Variants in FBLN2 observed in about 807,000 individuals in gnomAD.
The protein encoded by FBLN2 is fibulin 2.
Under a neutral mutation model 123.7 loss-of-function variants are expected in FBLN2, and 81 were observed. The observed-to-expected ratio is 0.65, with a 90% CI of 0.55 to 0.79. FBLN2 has a LOEUF of 0.79. Ranked by LOEUF, FBLN2 falls within the 30% of genes least tolerant of loss-of-function variation. The pLI, the probability that FBLN2 is intolerant of heterozygous loss-of-function variation, is 0.00. For synonymous variants in FBLN2, 699 were observed against 701.4 expected, an observed-to-expected ratio of 1.00 and a Z score of 0.05; for missense variants, 1,603 against 1,681.3, an observed-to-expected ratio of 0.95 and a Z score of 0.81.
intron 10 of FBLN2, among the ~76,000 whole-genome samples, chr3:13,626,872 C>G (rs1280482945): frequency 6.6e-6 from 1 of 152,210 alleles, no homozygotes; most frequent in Non-Finnish European, 1.5e-5. Context: ...ATCCCCCTTG[C>G]TGTGGCCTGG....
At chr3:13,627,550 GA>G (rs1706089820) in intron 10 of FBLN2, among the ~76,000 whole-genome samples, 1 of 152,212 alleles carries the variant, frequency 6.6e-6, no homozygotes. Context: ...GGCTTGTCAT[GA>G]CATCTACTTC....
chr3:13,600,033 G>A (rs1411039746), intron 2 of FBLN2, among the ~76,000 whole-genome samples: 2 of 148,510 alleles, frequency 1.3e-5, no homozygotes, highest in Admixed American at 6.6e-5. Flanking sequence ...GAGAGAGAGA[G>A]AGAGAGAGAG....
chr3:13,549,703 G>A (rs1191230680), intron 1 of FBLN2, among the ~76,000 whole-genome samples: 2 of 149,716 alleles, frequency 1.3e-5, no homozygotes, highest in Non-Finnish European at 3.0e-5. Context: ...CACACTCACC[G>A]CCACACACGC....
intron 2 of FBLN2, among the ~76,000 whole-genome samples, chr3:13,593,561 A>G (rs187329103): frequency 1.3e-5 from 2 of 152,174 alleles, no homozygotes; most frequent in Non-Finnish European, 2.9e-5. Context: ...TAAAAATACA[A>G]AAATTAGCCG....
rs760101943 is a variant in FBLN2, at chr3:13,570,783, G to A, written c.428G>A (p.Gly143Asp). ...QCGQVGCVHAGHKYAAGHTVH... is the reference protein window; with the variant it reads ...QCGQVGCVHADHKYAAGHTVH... ...GGCCAGGTGGGCTGCGTCCACGCGG[G>A]CCACAAGTACGCCGCTGGCCACACT... Residue 143 changes from glycine to aspartate, a missense_variant, in exon 2 of 18, where the codon GGC becomes GAC. By Grantham distance (94) the Gly-to-Asp change is moderately conservative (BLOSUM62 -1). Coordinates refer to ENST00000404922, the MANE Select transcript of FBLN2 (RefSeq NM_001004019.2). 5.0e-6 allele frequency: 8 copies of A among 1,598,926 alleles called. No individual in the cohort carries two copies. The highest frequency in any genetic ancestry group is 4.5e-5 in the East Asian group (2 of 44,000).
At chr3:13,600,993 G>C (rs1220202988) in intron 2 of FBLN2, among the ~76,000 whole-genome samples, 1 of 152,194 alleles carries the variant, frequency 6.6e-6, no homozygotes, top group Non-Finnish European at 1.5e-5. Context: ...TCAGGGTGTT[G>C]AGGGTGTCCA....
At chr3:13,569,579 G>A (rs886265638) in intron 1 of FBLN2, among the ~76,000 whole-genome samples, 9 of 152,094 alleles carry the variant, frequency 5.9e-5, no homozygotes, top group African/African-American at 2.2e-4. Flanking sequence ...GTTAGGGACA[G>A]CAAGGCATCA....
At chr3:13,622,570 T>C (rs1393848935) in intron 9 of FBLN2, among the ~76,000 whole-genome samples, 1 of 152,098 alleles carries the variant, frequency 6.6e-6, no homozygotes, top group Non-Finnish European at 1.5e-5. Context: ...CTGCCTTTCC[T>C]CCCCTCTGAC....
At chr3:13,571,911 T>A (rs1286864640) in intron 2 of FBLN2, among the ~76,000 whole-genome samples, 4 of 152,032 alleles carry the variant, frequency 2.6e-5, no homozygotes, top group Non-Finnish European at 4.4e-5. Context: ...GGCCCCCTGG[T>A]AGGGCTGCGG....
At chr3:13,610,897 AATTATT>A (rs112793079) in intron 4 of FBLN2, among the ~76,000 whole-genome samples, 91 of 144,828 alleles carry the variant, frequency 6.3e-4, no homozygotes, top group African/African-American at 2.0e-3. Flanking sequence ...CCTTGTTTTA[AATTATT>A]ATTATTATTA....
Position 13,549,340 on chromosome 3 carries a change from C to T in FBLN2, c.-42+132C>T, listed in dbSNP as rs1703261119. On this transcript the variant is annotated intron_variant, in intron 1 of 17. Transcript: ENST00000404922. ...GACGCGCCTCGCGGGCTGCCCGCGC[C>T]TCCACCCGCGCCGCCGGTCCGACCG... 9 of 503,424 alleles carry T rather than the reference C, an allele frequency of 1.8e-5. No homozygotes were observed. The South Asian group carries it at 2.5e-4, about 14-fold the overall frequency. 31.2% of individuals were successfully genotyped at this position (503,424 alleles called of 1,614,324 possible).
intron 5 of FBLN2, among the ~76,000 whole-genome samples, chr3:13,614,548 C>T (rs1194264629): frequency 1.3e-5 from 2 of 151,496 alleles, no homozygotes; most frequent in Non-Finnish European, 2.9e-5. Flanking sequence ...TTCATTCACT[C>T]CCTCATTCAT....
rs1267874683 is a variant in FBLN2 at position 13,617,129 on chromosome 3, CCCATCCATTCATCAATCCATCCAT to C, written c.1730-938_1730-915del. 5.0e-5 allele frequency among the ~76,000 whole-genome samples: 7 copies of C among 140,212 alleles called. No individual in the cohort carries two copies. The East Asian group carries it at 1.1e-3, about 22-fold the overall frequency. The allele number at this position is 140,212 out of a possible 152,430, so 92.0% of individuals were successfully genotyped here. ...TGCTTGAGGTCTGTTCATTCATTTG[CCCATCCATTCATCAATCCATCCAT>C]CCATCCATCCATCCATCCATCCATC... is the stretch of plus-strand genomic sequence containing the variant. On this transcript the variant is annotated intron_variant, in intron 5 of 17. Coordinates refer to ENST00000404922, the MANE Select transcript of FBLN2 (RefSeq NM_001004019.2).
intron 1 of FBLN2, among the ~76,000 whole-genome samples, chr3:13,561,237 A>G (rs4684957): frequency 0.84 from 128,527 of 152,146 alleles, 54,465 homozygotes; most frequent in East Asian, 1. Flanking sequence ...CAGATTTCTC[A>G]AAAGGGGTGT....
At chr3:13,555,466 A>T (rs535130732) in intron 1 of FBLN2, among the ~76,000 whole-genome samples, 5 of 149,650 alleles carry the variant, frequency 3.3e-5, no homozygotes, top group African/African-American at 1.2e-4. Context: ...TCATTTATTT[A>T]TTTTTTGAGA....
intron 1 of FBLN2, among the ~76,000 whole-genome samples, chr3:13,553,657 C>T (rs754235786): frequency 2.6e-5 from 4 of 152,224 alleles, no homozygotes; most frequent in Non-Finnish European, 4.4e-5. Context: ...GAGATTGTTG[C>T]AAAGCAAGTG....
intron 1 of FBLN2, among the ~76,000 whole-genome samples, chr3:13,569,467 T>C (rs560844235): frequency 2.3e-4 from 33 of 141,824 alleles, no homozygotes; most frequent in African/African-American, 8.6e-4. Flanking sequence ...GAGACTGGAG[T>C]GGGGACAGGG....
chr3:13,622,700 C>T (rs965442291), intron 9 of FBLN2, among the ~76,000 whole-genome samples: 11 of 152,212 alleles, frequency 7.2e-5, no homozygotes, highest in African/African-American at 2.4e-4. Context: ...GGCCAGGCGC[C>T]GTGGCTCTGG....
At chr3:13,569,995 C>A (rs1205815525) in intron 1 of FBLN2, among the ~76,000 whole-genome samples, 1 of 151,870 alleles carries the variant, frequency 6.6e-6, no homozygotes, top group Non-Finnish European at 1.5e-5. Flanking sequence ...TGTGTGGGCA[C>A]GAGGGCTCAC....
Sources: allele counts gnomAD v4.1 joint callset (sites outside exome capture counted in the v4.1 genomes callset), GRCh38; gene constraint gnomAD v4.1.1; transcripts MANE v1.5; gene names NCBI Gene and HGNC (gene_info 2026-07-23, HGNC 2026-07-21).